Variants in COG5 observed in about 807,000 individuals in gnomAD.
The protein encoded by COG5 is component of oligomeric golgi complex 5, also known as conserved oligomeric Golgi complex subunit 5.
Under a neutral mutation model 110.4 loss-of-function variants are expected in COG5, and 86 were observed. The observed-to-expected ratio is 0.78, with a 90% CI of 0.65 to 0.93. COG5 has a LOEUF of 0.93. Among genes scored for constraint, COG5 ranks in the 40% least tolerant of loss-of-function variants. COG5 has a pLI of 0.00. For synonymous variants in COG5, 360 were observed against 334.6 expected (o/e 1.08, Z -0.83); for missense variants, 1,077 against 987.0 (o/e 1.09, Z -1.22).
intron 6 of COG5, among the ~76,000 whole-genome samples, chr7:107,428,117 A>C (rs1372094110): frequency 1.3e-5 from 2 of 152,182 alleles, no homozygotes; most frequent in Admixed American, 1.3e-4. Flanking sequence ...GGTGGGGATC[A>C]ATAAGAGGAA....
At chr7:107,444,479 C>A (rs928470213) in intron 6 of COG5, among the ~76,000 whole-genome samples, 1 of 152,140 alleles carries the variant, frequency 6.6e-6, no homozygotes, top group Non-Finnish European at 1.5e-5. Context: ...ACTGTTTTCG[C>A]CACTCCAACC....
At chr7:107,431,020 AC>A (rs1266613926) in intron 6 of COG5, among the ~76,000 whole-genome samples, 7 of 152,338 alleles carry the variant, frequency 4.6e-5, no homozygotes, top group East Asian at 3.9e-4. Context: ...AACAAAAAAA[AC>A]AAAACCAAAA....
At chr7:107,380,619 G>T (rs553869442) in intron 7 of COG5, among the ~76,000 whole-genome samples, 3 of 152,262 alleles carry the variant, frequency 2.0e-5, no homozygotes, top group African/African-American at 7.2e-5. Context: ...CCAGGAAAAA[G>T]TCAAATCCCT....
chr7:107,218,272 C>A (rs537869397), intron 19 of COG5, among the ~76,000 whole-genome samples: 1 of 152,068 alleles, frequency 6.6e-6, no homozygotes, highest in Non-Finnish European at 1.5e-5. Context: ...AATGTCCATA[C>A]TATCCAAACC....
chr7:107,301,546 A>G (rs1203593851), intron 11 of COG5, among the ~76,000 whole-genome samples: 2 of 152,224 alleles, frequency 1.3e-5, no homozygotes, highest in Non-Finnish European at 2.9e-5. Context: ...ATACAACTAC[A>G]TAACTGTTCA....
At chr7:107,211,049 A>G in intron 20 of COG5, 50 bp downstream of exon 20, 1 of 1,605,148 alleles carries the variant, frequency 6.2e-7, no homozygotes, top group Non-Finnish European at 8.5e-7. Context: ...GGATTCACAC[A>G]GGTAATGGGA....
chr7:107,508,612 T>G (rs1799229009), intron 6 of COG5, among the ~76,000 whole-genome samples: 1 of 152,190 alleles, frequency 6.6e-6, no homozygotes, highest in African/African-American at 2.4e-5. Flanking sequence ...CCGAGCAGCC[T>G]AACTGGGAGG....
chr7:107,309,848 A>G (rs1266270322), intron 11 of COG5, among the ~76,000 whole-genome samples: 2 of 152,174 alleles, frequency 1.3e-5, no homozygotes, highest in African/African-American at 2.4e-5. Context: ...TATATTCACA[A>G]AAGTCTAGCT....
intron 14 of COG5, among the ~76,000 whole-genome samples, chr7:107,260,580 A>C (rs1410529992): frequency 1.3e-5 from 2 of 152,184 alleles, no homozygotes; most frequent in African/African-American, 2.4e-5. Context: ...TTTTTTAAGA[A>C]AGCATAGAAA....
At chr7:107,482,043 T>C (rs1797384841) in intron 6 of COG5, among the ~76,000 whole-genome samples, 2 of 152,122 alleles carry the variant, frequency 1.3e-5, no homozygotes, top group South Asian at 4.1e-4. Context: ...TATCAGAGAT[T>C]CTGTGGTACT....
chr7:107,447,157 A>G (rs1795056232), intron 6 of COG5, among the ~76,000 whole-genome samples: 1 of 152,126 alleles, frequency 6.6e-6, no homozygotes, highest in Non-Finnish European at 1.5e-5. Flanking sequence ...CAGCTTCTAG[A>G]GGCCACCCAC....
chr7:107,340,931 G>A (rs1811123761), intron 10 of COG5, among the ~76,000 whole-genome samples: 2 of 152,040 alleles, frequency 1.3e-5, no homozygotes, highest in African/African-American at 4.8e-5. Flanking sequence ...CATACTGAAT[G>A]GAAAAATTCT....
At chr7:107,285,512 C>G (rs929483716) in intron 12 of COG5, among the ~76,000 whole-genome samples, 12 of 152,090 alleles carry the variant, frequency 7.9e-5, no homozygotes, top group Admixed American at 5.9e-4. Flanking sequence ...CCTTTTTTGG[C>G]TTTACTAGGG....
intron 16 of COG5, among the ~76,000 whole-genome samples, chr7:107,251,456 T>C (rs1802495616): frequency 6.6e-6 from 1 of 152,112 alleles, no homozygotes; most frequent in South Asian, 2.1e-4. Flanking sequence ...CTATGAAGTA[T>C]CCATTCTTTT....
chr7:107,430,245 C>T (rs971205061), intron 6 of COG5, among the ~76,000 whole-genome samples: 2 of 152,140 alleles, frequency 1.3e-5, no homozygotes, highest in South Asian at 2.1e-4. Flanking sequence ...GTATATGATA[C>T]ATTTTTAGTT....
intron 10 of COG5, among the ~76,000 whole-genome samples, chr7:107,358,912 CT>C (rs979983226): frequency 3.9e-5 from 6 of 152,098 alleles, no homozygotes; most frequent in African/African-American, 9.6e-5. Flanking sequence ...CCCCATGCAT[CT>C]TTTTTTCCTT....
At chr7:107,521,753 T>C (rs1396503670) in intron 6 of COG5, among the ~76,000 whole-genome samples, 1 of 152,162 alleles carries the variant, frequency 6.6e-6, no homozygotes, top group Non-Finnish European at 1.5e-5. Context: ...GAACCAGAAA[T>C]ACCATTTGCC....
intron 14 of COG5, among the ~76,000 whole-genome samples, chr7:107,260,172 C>T (rs1803222357): frequency 6.6e-6 from 1 of 151,268 alleles, no homozygotes; most frequent in African/African-American, 2.4e-5. Context: ...AGAAAATAGA[C>T]ACAATGCAAA....
At chr7:107,387,370 A>G (rs1360374017) in intron 7 of COG5, among the ~76,000 whole-genome samples, 1 of 152,208 alleles carries the variant, frequency 6.6e-6, no homozygotes, top group African/African-American at 2.4e-5. Flanking sequence ...GCAGAAAAGC[A>G]GCAGCGCCTA....
Sources: gnomAD v4.1 joint callset for allele counts (sites outside exome capture counted in the v4.1 genomes callset) on GRCh38, gnomAD v4.1.1 for gene constraint, MANE v1.5 for transcripts, NCBI Gene and HGNC (gene_info 2026-07-23, HGNC 2026-07-21) for gene names.